Variants in ADAM32 observed in about 807,000 individuals in gnomAD.
ADAM32 encodes the protein ADAM metallopeptidase domain 32.
A neutral mutation model predicts 114.9 loss-of-function variants in ADAM32; 89 were observed. The ratio of observed to expected loss-of-function variants is 0.77; its 90% CI spans 0.65 to 0.92. ADAM32 has a LOEUF of 0.92. ADAM32 is among the 40% of genes least tolerant of loss of function. The pLI, the probability that ADAM32 is intolerant of heterozygous loss-of-function variation, is 0.00. For synonymous variants in ADAM32, 285 were observed against 307.5 expected, an observed-to-expected ratio of 0.93 and a Z score of 0.77; for missense variants, 870 against 932.8, an observed-to-expected ratio of 0.93 and a Z score of 0.88.
At chr8:39,206,681 G>A (rs1340453091) in intron 11 of ADAM32, among the ~76,000 whole-genome samples, 1 of 152,170 alleles carries the variant, frequency 6.6e-6, no homozygotes, top group Non-Finnish European at 1.5e-5. Flanking sequence ...TCATTTCCTG[G>A]GCTATAGACA....
chr8:39,220,314 A>G (rs1421031939), intron 12 of ADAM32, among the ~76,000 whole-genome samples: 1 of 152,092 alleles, frequency 6.6e-6, no homozygotes, highest in Non-Finnish European at 1.5e-5. Flanking sequence ...ACCCTTTACT[A>G]TTAGCCTACT....
At chr8:39,247,392 A>G (rs1810999753) in intron 17 of ADAM32, among the ~76,000 whole-genome samples, 1 of 152,144 alleles carries the variant, frequency 6.6e-6, no homozygotes, top group African/African-American at 2.4e-5. Context: ...GATTTTGGCC[A>G]TTCTAATAGG....
chr8:39,157,597 C>G, intron 6 of ADAM32: 2 of 551,056 alleles, frequency 3.6e-6, no homozygotes, highest in Admixed American at 4.3e-5. Context: ...AATGCTTCTT[C>G]TCCATGGTTT....
At position 39,149,800 on chromosome 8, in the gene ADAM32, T is replaced by C; in HGVS notation, c.286T>C (p.Tyr96His). The stretch of plus-strand genomic sequence containing the variant: ...TTTTTTTCTTTCCTAGACTCAATGC[T>C]ACTATCAAGGAAATATTGAAGGATA... ...TYSSDIQTQC[Y>H]YQGNIEGYPD... is the part of the protein sequence containing the mutation. Residue 96 changes from tyrosine to histidine, a missense_variant, in exon 5 of 25, where the codon TAC becomes CAC. Tyr to His is a moderately conservative substitution (Grantham distance 83). Transcript: ENST00000379907. The C allele has an allele frequency of 6.2e-7, 1 of 1,610,936 alleles. No homozygotes were observed. The highest frequency in any genetic ancestry group is 8.5e-7 in the Non-Finnish European group (1 of 1,177,872).
chr8:39,166,959 T>G (rs543754509), intron 9 of ADAM32: 1 of 152,228 alleles, frequency 6.6e-6, no homozygotes, highest in Admixed American at 6.5e-5. Flanking sequence ...ATGTATAGAT[T>G]GTGAAGATTT....
At chr8:39,107,999 C>G in intron 1 of ADAM32, 166 bp downstream of exon 1, 3 of 907,268 alleles carry the variant, frequency 3.3e-6, no homozygotes, top group Non-Finnish European at 4.7e-6. Context: ...AGAAGCGACT[C>G]AGGGCCCAGC....
At chr8:39,178,239 C>A (rs1243652181) in intron 10 of ADAM32, among the ~76,000 whole-genome samples, 3 of 152,052 alleles carry the variant, frequency 2.0e-5, no homozygotes, top group Non-Finnish European at 2.9e-5. Context: ...TCTGTTCTTG[C>A]CTGAATGTCT....
At position 39,274,393 on chromosome 8, in the gene ADAM32, T is replaced by G. The variant is rs191236592; in HGVS notation, c.2240+43T>G. ...GGTTTTTAAGATACATGTTGAAAATTAAGAATTTATTGATAATTCACAATT... is the reference window on the plus strand; with the variant it reads ...GGTTTTTAAGATACATGTTGAAAATGAAGAATTTATTGATAATTCACAATT... On this transcript the variant is annotated intron_variant, in intron 21 of 24. Coordinates refer to ENST00000379907, the MANE Select transcript of ADAM32 (RefSeq NM_145004.7). The G allele has an allele frequency of 2.4e-5, 38 of 1,572,534 alleles. No individual in the cohort carries two copies. In the East Asian group the frequency reaches 2.5e-4, roughly 10 times the overall value.
chr8:39,249,065 G>A (rs767979965), intron 17 of ADAM32, among the ~76,000 whole-genome samples: 1 of 151,658 alleles, frequency 6.6e-6, no homozygotes, highest in Non-Finnish European at 1.5e-5. Flanking sequence ...CACCATGCCC[G>A]GATAATTTTT....
intron 24 of ADAM32, among the ~76,000 whole-genome samples, chr8:39,284,389 A>G (rs1206011897): frequency 6.6e-6 from 1 of 151,940 alleles, no homozygotes; most frequent in Non-Finnish European, 1.5e-5. Flanking sequence ...ACACACACAC[A>G]CACACACACA....
chr8:39,272,575 T>G (rs1488552042), intron 20 of ADAM32, among the ~76,000 whole-genome samples: 2 of 152,166 alleles, frequency 1.3e-5, no homozygotes, highest in African/African-American at 4.8e-5. Context: ...GAAAAGCTAC[T>G]GTAAAAATAA....
At chr8:39,248,356 T>A (rs1025710365) in intron 17 of ADAM32, among the ~76,000 whole-genome samples, 17 of 152,182 alleles carry the variant, frequency 1.1e-4, no homozygotes, top group Non-Finnish European at 2.9e-5. Context: ...AGTCCTTTTT[T>A]ATTTCCTTCA....
chr8:39,168,824 G>A (rs184374050), intron 9 of ADAM32: 29 of 152,288 alleles, frequency 1.9e-4, no homozygotes, highest in African/African-American at 6.3e-4. Context: ...GAGTGGGCAC[G>A]TCAAAAGGTG....
At chr8:39,109,708 A>G (rs1359401251) in intron 1 of ADAM32, among the ~76,000 whole-genome samples, 2 of 152,168 alleles carry the variant, frequency 1.3e-5, no homozygotes, top group East Asian at 1.9e-4. Context: ...TCCATTTGTT[A>G]CAATTGAGCC....
intron 19 of ADAM32, among the ~76,000 whole-genome samples, chr8:39,269,140 T>C (rs1197575699): frequency 2.6e-5 from 4 of 152,220 alleles, no homozygotes; most frequent in African/African-American, 9.6e-5. Context: ...TCTGTGGTGT[T>C]CTGCCCTGTG....
chr8:39,208,692 C>T (rs936364074), intron 11 of ADAM32, among the ~76,000 whole-genome samples: 1 of 152,124 alleles, frequency 6.6e-6, no homozygotes, highest in African/African-American at 2.4e-5. Context: ...TTTTTTCCTT[C>T]AGGACTTGGA....
At chr8:39,108,304 T>G (rs1397238721) in intron 1 of ADAM32, 1 of 152,038 alleles carries the variant, frequency 6.6e-6, no homozygotes, top group African/African-American at 2.4e-5. Flanking sequence ...AAAAAATTAT[T>G]TTTGTGTGTG....
chr8:39,127,156 T>C (rs1802166458), intron 2 of ADAM32, among the ~76,000 whole-genome samples: 1 of 152,186 alleles, frequency 6.6e-6, no homozygotes, highest in African/African-American at 2.4e-5. Context: ...TCTGTCAGGT[T>C]TTGGTATCAG....
rs1185609078 is a variant in ADAM32, at chr8:39,198,893, T to G, written c.1052+11848T>G. Among the ~76,000 whole-genome samples, 5 of 152,214 alleles carry G rather than the reference T, an allele frequency of 3.3e-5. No individual in the cohort carries two copies. The East Asian group carries it at 9.6e-4, about 29-fold the overall frequency. On this transcript the variant is annotated intron_variant, in intron 11 of 24. Coordinates refer to ENST00000379907, the MANE Select transcript of ADAM32 (RefSeq NM_145004.7). The stretch of plus-strand genomic sequence containing the variant: ...TTCTCTTAAGCATTTCTTATAGGAC[T>G]AGTCTAGTGGTGACAAATTCTTTGT...
Sources: allele counts gnomAD v4.1 joint callset (sites outside exome capture counted in the v4.1 genomes callset), GRCh38; gene constraint gnomAD v4.1.1; transcripts MANE v1.5; gene names NCBI Gene and HGNC (gene_info 2026-07-23, HGNC 2026-07-21).